The following CCNH variants were observed in gnomAD, a reference collection of about 807,000 sequenced individuals.
CCNH encodes cyclin H.
Under a neutral mutation model 41.9 loss-of-function variants are expected in CCNH, and 31 were observed. The observed-to-expected ratio is 0.74, with a 90% CI of 0.56 to 1.00. The LOEUF (loss-of-function observed/expected upper bound fraction) is 1.00, where lower values mean the gene tolerates loss of function less well. Among genes scored for constraint, CCNH ranks in the 50% least tolerant of loss-of-function variants. The pLI is 0.00. For missense variants in CCNH, 362 were observed against 388.4 expected (o/e 0.93, Z 0.57); for synonymous variants, 138 against 136.1 (o/e 1.01, Z -0.10).
intron 5 of CCNH, among the ~76,000 whole-genome samples, chr5:87,402,955 G>A (rs1031892353): frequency 6.6e-6 from 1 of 151,994 alleles, no homozygotes; most frequent in Non-Finnish European, 1.5e-5. Flanking sequence ...TTATAATATT[G>A]TGGTGTTTTA....
At chr5:87,321,944 TG>T in intron 9 of CCNH, among the ~76,000 whole-genome samples, 1 of 152,200 alleles carries the variant, frequency 6.6e-6, no homozygotes, top group Non-Finnish European at 1.5e-5. Flanking sequence ...TCAGGGATAT[TG>T]TTTCCTGAGG....
At chr5:87,361,062 A>C (rs776394726) in intron 9 of CCNH, among the ~76,000 whole-genome samples, 8 of 152,128 alleles carry the variant, frequency 5.3e-5, no homozygotes, top group Non-Finnish European at 1.0e-4. Flanking sequence ...AGTAGAGATT[A>C]TTTATTTCAG....
chr5:87,371,478 TTC>T (rs1760935810), downstream of CCNH, among the ~76,000 whole-genome samples: 1 of 152,172 alleles, frequency 6.6e-6, no homozygotes. Flanking sequence ...TAAACCTTAG[TTC>T]TCTCCTTTTC....
upstream of CCNH, among the ~76,000 whole-genome samples, chr5:87,381,161 G>A (rs906020062): frequency 6.6e-6 from 1 of 152,126 alleles, no homozygotes; most frequent in Non-Finnish European, 1.5e-5. Flanking sequence ...TGGAATTTGG[G>A]AGCTTACGTA....
chr5:87,344,741 A>G (rs924985912), intron 9 of CCNH, among the ~76,000 whole-genome samples: 2 of 150,522 alleles, frequency 1.3e-5, no homozygotes, highest in Non-Finnish European at 3.0e-5. Flanking sequence ...CTGGTCTCAA[A>G]CGCCTGGCCT....
chr5:87,390,859 T>TA (rs1561335447), downstream of CCNH: 1 of 1,613,170 alleles, frequency 6.2e-7, no homozygotes. Flanking sequence ...AAAACCAGTA[T>TA]ACAAAAACCA....
chr5:87,327,531 T>C (rs1036106916), intron 9 of CCNH, among the ~76,000 whole-genome samples: 126 of 152,268 alleles, frequency 8.3e-4, no homozygotes, highest in African/African-American at 3.0e-3. Context: ...TGCCATAGAT[T>C]GGAGGTTTCT....
chr5:87,346,347 ACTC>A (rs1408824300), intron 9 of CCNH, among the ~76,000 whole-genome samples: 2 of 151,460 alleles, frequency 1.3e-5, no homozygotes, highest in Non-Finnish European at 2.9e-5. Context: ...TATCTGTACT[ACTC>A]CTCCTTCCCC....
At chr5:87,380,652 A>G, upstream of CCNH, 2 of 1,401,114 alleles carry the variant, frequency 1.4e-6, no homozygotes, top group Admixed American at 3.4e-5. Context: ...TAATTGTGAA[A>G]AATTGAGGAA....
chr5:87,384,317 C>A (rs1055665473), intron 9 of CCNH, among the ~76,000 whole-genome samples: 2 of 152,042 alleles, frequency 1.3e-5, no homozygotes, highest in South Asian at 4.1e-4. Flanking sequence ...CCCATATATC[C>A]ATTTTGAGAT....
In CCNH at chr5:87,399,546, ACCT is replaced by A. The variant is rs772510937; in HGVS notation, c.761-44_761-42del. On this transcript the variant is annotated intron_variant, in intron 6 of 8. Coordinates refer to ENST00000256897, the MANE Select transcript of CCNH (RefSeq NM_001239.4). ...AAAAGAATTTAAACTGAATAAGCAA[ACCT>A]CCTTCTCATAGTAAGGGAGCTGGTT... The A allele has an allele frequency of 1.5e-4, 200 of 1,305,648 alleles. 1 individual carries two copies. The highest frequency in any genetic ancestry group is 2.1e-4 in the Non-Finnish European group (187 of 902,002). 80.9% of individuals were successfully genotyped at this position (1,305,648 alleles called of 1,614,324 possible).
downstream of CCNH, among the ~76,000 whole-genome samples, chr5:87,387,162 G>A (rs988571779): frequency 3.3e-5 from 5 of 152,084 alleles, no homozygotes; most frequent in African/African-American, 9.7e-5. Flanking sequence ...TTTAGGGTCT[G>A]TCTTGCTTTT....
chr5:87,408,862 T>C (rs958929736), intron 3 of CCNH, among the ~76,000 whole-genome samples: 10 of 152,182 alleles, frequency 6.6e-5, no homozygotes, highest in Admixed American at 1.3e-4. Context: ...TTTTTAATGA[T>C]AGACACAGCG....
chr5:87,380,171 T>C (rs1338730829), upstream of CCNH, among the ~76,000 whole-genome samples: 1 of 152,142 alleles, frequency 6.6e-6, no homozygotes, highest in Non-Finnish European at 1.5e-5. Flanking sequence ...AATCACTCTG[T>C]TAATATGCTT....
At chr5:87,353,258 C>T (rs1415127074) in intron 9 of CCNH, 1 of 1,532,286 alleles carries the variant, frequency 6.5e-7, no homozygotes, top group Non-Finnish European at 9.0e-7. Flanking sequence ...TTTCTTATTG[C>T]AATAATTAGC....
chr5:87,405,198 G>T (rs1418288747), intron 4 of CCNH, among the ~76,000 whole-genome samples, 191 bp from the exon 5 acceptor site: 1 of 152,176 alleles, frequency 6.6e-6, no homozygotes, highest in Admixed American at 6.5e-5. Context: ...GAGTAGGAAG[G>T]GGAGGGAAGG....
At chr5:87,378,551 T>A (rs372369767), upstream of CCNH, 529 of 1,593,964 alleles carry the variant, frequency 3.3e-4, 2 homozygotes, top group Middle Eastern at 1.5e-3. Flanking sequence ...AAGAATTTAA[T>A]GTTTTAATAA....
At chr5:87,350,530 C>T (rs1759187052) in intron 9 of CCNH, among the ~76,000 whole-genome samples, 1 of 151,506 alleles carries the variant, frequency 6.6e-6, no homozygotes. Flanking sequence ...CGTTTTGTTA[C>T]TAACTTAAAC....
chr5:87,387,653 T>C (rs1475147591), downstream of CCNH, among the ~76,000 whole-genome samples: 1 of 152,126 alleles, frequency 6.6e-6, no homozygotes, highest in Admixed American at 6.6e-5. Flanking sequence ...TGTTCTGTCT[T>C]AATGTATTCA....
Sources: gnomAD v4.1 joint callset for allele counts (sites outside exome capture counted in the v4.1 genomes callset) on GRCh38, gnomAD v4.1.1 for gene constraint, MANE v1.5 for transcripts, NCBI Gene and HGNC (gene_info 2026-07-23, HGNC 2026-07-21) for gene names.